IL4R: variants seen among roughly 807,000 people sequenced by gnomAD.
The protein encoded by IL4R is interleukin-4 receptor subunit alpha.
Under a neutral mutation model 41.5 loss-of-function variants are expected in IL4R, and 17 were observed. The observed-to-expected ratio is 0.41, with a 90% CI of 0.28 to 0.61. The LOEUF is 0.61. Among genes scored for constraint, IL4R ranks in the 20% least tolerant of loss-of-function variants. The pLI is 0.31. For synonymous variants in IL4R, 402 were observed against 422.9 expected (o/e 0.95, Z 0.61); for missense variants, 974 against 1,043.1 (o/e 0.93, Z 0.91).
Position 27,363,993 on chromosome 16 carries a change from G to A in IL4R, c.*163G>A, listed in dbSNP as rs1368521617. On this transcript the variant is annotated 3_prime_UTR_variant, in exon 11 of 11. Coordinates refer to ENST00000395762, the MANE Select transcript of IL4R (RefSeq NM_000418.4). ...CCCACTGACGTTGGCCTAACACTGG[G>A]CTGCAGAGACTGGACCCCGCCCAGC... 2.5e-6 allele frequency: 2 copies of A among 798,624 alleles called. No homozygotes were observed. Among genetic ancestry groups the A allele is most frequent in the Non-Finnish European group, 4.0e-6 (2 of 505,864 alleles). The allele number at this position is 798,624 out of a possible 1,614,324, so 49.5% of individuals were successfully genotyped here.
At chr16:27,347,147 G>A (rs887872383) in intron 6 of IL4R, among the ~76,000 whole-genome samples, 3 of 152,184 alleles carry the variant, frequency 2.0e-5, no homozygotes, top group Non-Finnish European at 2.9e-5. Context: ...GTTCCCCATG[G>A]AAGCTGGTCC....
Position 27,363,163 on chromosome 16 carries a change from A to G in IL4R, c.1811A>G (p.Lys604Arg). The change falls in exon 11 of 11, where the codon AAG becomes AGG. Residue 604 changes from lysine to arginine, a missense_variant. This residue lies in a region of IL4R where 682 missense variants were observed against 704.3 expected (regional missense o/e 0.97). Coordinates refer to ENST00000395762, the MANE Select transcript of IL4R (RefSeq NM_000418.4). The stretch of plus-strand genomic sequence containing the variant: ...GGTCCCCCAGGAGAGGCTGGTTACA[A>G]GGCCTTCTCAAGCCTGCTTGCCAGC... Reference protein sequence around the residue: ...GLGPPGEAGYKAFSSLLASSA... With the variant: ...GLGPPGEAGYRAFSSLLASSA... The G allele has an allele frequency of 6.2e-7, 1 of 1,612,782 alleles. No homozygotes were observed. The highest frequency in any genetic ancestry group is 8.5e-7 in the Non-Finnish European group (1 of 1,179,302).
At chr16:27,334,161 C>T (rs541899926) in intron 2 of IL4R, among the ~76,000 whole-genome samples, 4 of 152,274 alleles carry the variant, frequency 2.6e-5, no homozygotes, top group African/African-American at 7.2e-5. Context: ...GGATTACAGG[C>T]GTGAGCCACC....
rs1007087772 is a variant in IL4R, at chr16:27,341,729, G to T, written c.71-392G>T. On this transcript the variant is annotated intron_variant, in intron 3 of 10. Coordinates refer to ENST00000395762, the MANE Select transcript of IL4R (RefSeq NM_000418.4). ...GCAGAAAGGGGTGGAGACAAAGAGG[G>T]GCGCAGATAGTGGGCAAATGGGGAA... is the stretch of plus-strand genomic sequence containing the variant. Among the ~76,000 whole-genome samples the T allele has an allele frequency of 3.9e-5, 6 of 152,186 alleles. No homozygotes were observed. In the South Asian group the frequency reaches 6.2e-4, roughly 16 times the overall value.
intron 10 of IL4R, 84 bp from the exon 11 acceptor site, chr16:27,362,168 G>A: frequency 7.5e-7 from 1 of 1,331,990 alleles, no homozygotes; most frequent in Non-Finnish European, 1.1e-6. Context: ...ATCAGGACAT[G>A]GTGATTTCAG....
chr16:27,322,476 T>C (rs2084842325), intron 1 of IL4R, among the ~76,000 whole-genome samples: 1 of 152,286 alleles, frequency 6.6e-6, no homozygotes, highest in Non-Finnish European at 1.5e-5. Context: ...CGCAGCTGGC[T>C]GAATTGTTCC....
intron 2 of IL4R, among the ~76,000 whole-genome samples, chr16:27,337,457 G>A (rs1457634378): frequency 2.0e-5 from 3 of 152,174 alleles, no homozygotes; most frequent in Admixed American, 6.5e-5. Flanking sequence ...ACAAAGCCTG[G>A]GAGCTGCTTT....
intron 1 of IL4R, 39 bp downstream of exon 1, chr16:27,314,059 G>T (rs1429284915): frequency 2.0e-6 from 2 of 985,070 alleles, no homozygotes; most frequent in African/African-American, 3.5e-5. Context: ...GGTTGCGAAG[G>T]TATCGCCCGG....
Position 27,348,267 on chromosome 16 carries a change from G to C in IL4R, c.513+1649G>C, listed in dbSNP as rs60124533. 8.1e-3 allele frequency among the ~76,000 whole-genome samples: 1,237 copies of C among 152,268 alleles called. 14 individuals are homozygous for C. Among genetic ancestry groups the C allele is most frequent in the African/African-American group, 0.028 (1,161 of 41,534 alleles). On this transcript the variant is annotated intron_variant, in intron 6 of 10. Coordinates refer to ENST00000395762, the MANE Select transcript of IL4R (RefSeq NM_000418.4). ...GGCTCAGAAAGCGGGGGGCATGGGGGGAAGGAGTGCACAGATGCTAGAGAG... is the reference window on the plus strand; with the variant it reads ...GGCTCAGAAAGCGGGGGGCATGGGGCGAAGGAGTGCACAGATGCTAGAGAG...
intron 3 of IL4R, chr16:27,340,969 G>T: frequency 2.2e-6 from 1 of 454,476 alleles, no homozygotes; most frequent in Admixed American, 2.7e-5. Context: ...GTGAGCAGCA[G>T]GAGGGAGCAG....
At chr16:27,324,430 C>T (rs998272071) in intron 1 of IL4R, among the ~76,000 whole-genome samples, 1 of 152,154 alleles carries the variant, frequency 6.6e-6, no homozygotes, top group Non-Finnish European at 1.5e-5. Flanking sequence ...TTCTTCCATT[C>T]AGCAAATATT....
At chr16:27,332,353 A>T (rs895088500) in intron 2 of IL4R, among the ~76,000 whole-genome samples, 1 of 152,058 alleles carries the variant, frequency 6.6e-6, no homozygotes, top group Non-Finnish European at 1.5e-5. Flanking sequence ...AGGGGGGGAA[A>T]GCCCTTTATA....
At chr16:27,318,976 C>T (rs146232218) in intron 1 of IL4R, among the ~76,000 whole-genome samples, 60 of 152,200 alleles carry the variant, frequency 3.9e-4, no homozygotes, top group African/African-American at 1.3e-3. Flanking sequence ...GCTGGGGACA[C>T]GGGAATGAGT....
intron 1 of IL4R, chr16:27,315,487 G>A (rs2084617360): frequency 6.6e-6 from 1 of 152,600 alleles, no homozygotes; most frequent in Non-Finnish European, 1.5e-5. Context: ...GCGGCTGCAG[G>A]ACCACAAGCC....
chr16:27,355,338 C>T, intron 7 of IL4R: 1 of 297,108 alleles, frequency 3.4e-6, no homozygotes, highest in Admixed American at 4.3e-5. Context: ...ATGATGGCAG[C>T]TAATGATGTG....
At chr16:27,334,918 G>C (rs981556426) in intron 2 of IL4R, among the ~76,000 whole-genome samples, 2 of 152,080 alleles carry the variant, frequency 1.3e-5, no homozygotes, top group Non-Finnish European at 2.9e-5. Flanking sequence ...CTATGTGCCA[G>C]GCACCGTTGT....
At position 27,362,950 on chromosome 16, in the gene IL4R, T is replaced by TC; in HGVS notation, c.1603dup (p.Gln535ProfsTer4). The TC allele has an allele frequency of 6.2e-7, 1 of 1,614,082 alleles. No individual in the cohort carries two copies. The highest frequency in any genetic ancestry group is 8.5e-7 in the Non-Finnish European group (1 of 1,180,024). On this transcript the variant is annotated frameshift_variant, in exon 11 of 11. Transcript: ENST00000395762. LOFTEE classifies it low-confidence loss of function (END_TRUNC). ...GAAGTAGAACCCGAGATGCCCTGTG[T>TC]CCCCCAGCTCTCTGAGCCAACCACT...
chr16:27,360,472 C>A (rs999339871), intron 9 of IL4R, among the ~76,000 whole-genome samples: 3 of 152,222 alleles, frequency 2.0e-5, no homozygotes, highest in Non-Finnish European at 4.4e-5. Flanking sequence ...GGCATGATAT[C>A]ACTTCCATCA....
intron 1 of IL4R, among the ~76,000 whole-genome samples, chr16:27,327,096 A>G (rs1364202888): frequency 2.0e-5 from 3 of 152,138 alleles, no homozygotes; most frequent in Non-Finnish European, 4.4e-5. Flanking sequence ...GTTTCAGGCC[A>G]GTTTCTGTCG....
Sources: gnomAD v4.1 joint callset for allele counts (sites outside exome capture counted in the v4.1 genomes callset) on GRCh38, gnomAD v4.1.1 for gene constraint, gnomAD v4.1.1 regional missense constraint, MANE v1.5 for transcripts, NCBI Gene and HGNC (gene_info 2026-07-23, HGNC 2026-07-21) for gene names.